POLQ: variants seen among roughly 807,000 people sequenced by gnomAD.
POLQ encodes DNA polymerase theta.
POLQ carries 233 observed loss-of-function variants against 259.2 expected under a neutral mutation model. The ratio of observed to expected loss-of-function variants is 0.90; its 90% CI spans 0.81 to 1.00. POLQ has a LOEUF of 1.00. Ranked by LOEUF, POLQ falls within the 50% of genes least tolerant of loss-of-function variation. The pLI is 0.00. For synonymous variants in POLQ, 1,025 were observed against 1,048.8 expected (o/e 0.98, Z 0.44); for missense variants, 2,871 against 3,051.6 (o/e 0.94, Z 1.39).
chr3:121,434,889 A>C (rs566292699), intron 28 of POLQ, among the ~76,000 whole-genome samples: 83 of 152,304 alleles, frequency 5.4e-4, no homozygotes, highest in Middle Eastern at 3.4e-3. Flanking sequence ...GTGATGGCTC[A>C]CGCTGGTAAT....
intron 6 of POLQ, among the ~76,000 whole-genome samples, chr3:121,532,725 G>C (rs1176474019): frequency 1.3e-5 from 2 of 151,734 alleles, no homozygotes; most frequent in Non-Finnish European, 2.9e-5. Flanking sequence ...GTAGCGACAG[G>C]GTTTCACATG....
intron 12 of POLQ, among the ~76,000 whole-genome samples, chr3:121,499,560 C>T (rs1297943823): frequency 6.6e-6 from 1 of 152,102 alleles, no homozygotes; most frequent in Non-Finnish European, 1.5e-5. Context: ...CGGCCAGAAC[C>T]TAAGTTTTTA....
chr3:121,481,678 A>G lies in POLQ; in HGVS notation c.6105T>C (p.Asn2035=), dbSNP rs759051762. The G allele has an allele frequency of 1.4e-5, 22 of 1,614,030 alleles. No individual in the cohort carries two copies. In the East Asian group the frequency reaches 4.5e-4, roughly 33 times the overall value. ...TSQGIQSLGL[N]AGSEHSGRYR... ...ATCGCCCAGAATGCTCACTGCCAGC[A>G]TTTAGCCCCAGGCTTTGAATCCCTT... The change falls in exon 19 of 30, where the codon AAT becomes AAC. Residue 2035 remains asparagine (N), a synonymous_variant. Transcript: ENST00000264233.
At chr3:121,539,688 C>A in intron 3 of POLQ, 99 bp from the exon 4 acceptor site, 1 of 835,778 alleles carries the variant, frequency 1.2e-6, no homozygotes, top group Non-Finnish European at 2.0e-6. Flanking sequence ...TATCTAAAGA[C>A]ATCTACCAGA....
At position 121,432,334 on chromosome 3, in the gene POLQ, G is replaced by A. The variant is rs200895587; in HGVS notation, c.7743C>T (p.Ser2581=). ...CATCAAAGTCCTTTAGCTCTCCCCA[G>A]CTGGCGCCTATTTTCACTTTCACTT... ...KLKVKVKIGA[S]WGELKDFDV Residue 2581 remains serine (S), a synonymous_variant, in exon 30 of 30, where the codon AGC becomes AGT. Coordinates refer to ENST00000264233, the MANE Select transcript of POLQ (RefSeq NM_199420.4). The A allele has an allele frequency of 9.2e-5, 147 of 1,606,008 alleles. No homozygotes were observed. In the East Asian group the frequency reaches 3.0e-3, roughly 32 times the overall value.
intron 25 of POLQ, among the ~76,000 whole-genome samples, chr3:121,456,518 G>C (rs542537134): frequency 3.3e-5 from 5 of 152,148 alleles, no homozygotes; most frequent in African/African-American, 1.2e-4. Flanking sequence ...TTAAGCTCAT[G>C]AGCAACTTCA....
intron 20 of POLQ, among the ~76,000 whole-genome samples, chr3:121,475,159 T>TTCC (rs1410917869): frequency 6.6e-6 from 1 of 152,108 alleles, no homozygotes; most frequent in African/African-American, 2.4e-5. Context: ...CAACTCCCCA[T>TTCC]TCCCCTATCT....
At chr3:121,506,250 T>TA (rs1264805422) in intron 12 of POLQ, among the ~76,000 whole-genome samples, 12 of 149,672 alleles carry the variant, frequency 8.0e-5, no homozygotes, top group Admixed American at 1.4e-4. Context: ...CCCTAATATA[T>TA]AAAAAAACCT....
intron 6 of POLQ, 94 bp from the exon 7 acceptor site, chr3:121,529,886 T>C (rs2048398789): frequency 4.4e-6 from 4 of 907,664 alleles, no homozygotes; most frequent in Non-Finnish European, 6.5e-6. Context: ...GGGGAAGCTT[T>C]TTCTTCTTTA....
chr3:121,504,453 T>C (rs1163002997), intron 12 of POLQ, among the ~76,000 whole-genome samples: 2 of 152,192 alleles, frequency 1.3e-5, no homozygotes, highest in Non-Finnish European at 2.9e-5. Flanking sequence ...TGGTGAAATC[T>C]ACTAAACATT....
intron 25 of POLQ, among the ~76,000 whole-genome samples, chr3:121,452,881 A>C (rs2108779727): frequency 1.3e-5 from 2 of 152,272 alleles, no homozygotes; most frequent in East Asian, 3.9e-4. Flanking sequence ...CTTTGAAGAG[A>C]GCAGTGGTTC....
intron 2 of POLQ, among the ~76,000 whole-genome samples, chr3:121,542,726 T>G (rs2108822929): frequency 6.6e-6 from 1 of 152,272 alleles, no homozygotes; most frequent in East Asian, 1.9e-4. Flanking sequence ...CTCAAAACTT[T>G]GGGAGAATCA....
At chr3:121,448,881 A>G (rs1399649423) in intron 26 of POLQ, among the ~76,000 whole-genome samples, 1 of 152,234 alleles carries the variant, frequency 6.6e-6, no homozygotes, top group East Asian at 1.9e-4. Flanking sequence ...TTATACCACA[A>G]CAAACAGGCA....
intron 12 of POLQ, among the ~76,000 whole-genome samples, chr3:121,498,891 A>C (rs2048145120): frequency 6.6e-6 from 1 of 151,916 alleles, no homozygotes; most frequent in Non-Finnish European, 1.5e-5. Flanking sequence ...ACCAGGTGAG[A>C]CTCTGTCTCT....
Position 121,498,643 on chromosome 3 carries a change from T to G in POLQ, c.1987A>C (p.Thr663Pro). 6.2e-7 allele frequency: 1 copy of G among 1,612,760 alleles called. No homozygotes were observed. Among genetic ancestry groups the G allele is most frequent in the Non-Finnish European group, 8.5e-7 (1 of 1,178,784 alleles). ...LVTPMFEDWT[T>P]IDWYRFFCLW... ...CAGAAAAATCGATACCAATCAATAGTAGTCCAATCCTCAAACATAGGTGTA... is the reference window on the plus strand; with the variant it reads ...CAGAAAAATCGATACCAATCAATAGGAGTCCAATCCTCAAACATAGGTGTA... Residue 663 changes from threonine (T) to proline (P), a missense_variant, in exon 13 of 30, where the codon ACT becomes CCT. Transcript: ENST00000264233.
At chr3:121,434,381 C>T (rs563156405) in intron 28 of POLQ, among the ~76,000 whole-genome samples, 1 of 152,220 alleles carries the variant, frequency 6.6e-6, no homozygotes, top group Non-Finnish European at 1.5e-5. Context: ...GGAATTAATA[C>T]AAATACTTCA....
At chr3:121,527,233 A>G (rs1309077585) in intron 7 of POLQ, among the ~76,000 whole-genome samples, 1 of 151,750 alleles carries the variant, frequency 6.6e-6, no homozygotes, top group South Asian at 2.1e-4. Flanking sequence ...GCTAATTTTT[A>G]TATTTTTTAG....
chr3:121,444,903 T>G (rs375629419), intron 26 of POLQ, among the ~76,000 whole-genome samples: 2 of 152,228 alleles, frequency 1.3e-5, no homozygotes, highest in South Asian at 4.1e-4. Flanking sequence ...ATCACATTGA[T>G]AGATTTGCAT....
At chr3:121,447,635 A>T (rs1252997067) in intron 26 of POLQ, among the ~76,000 whole-genome samples, 1 of 152,118 alleles carries the variant, frequency 6.6e-6, no homozygotes, top group Non-Finnish European at 1.5e-5. Context: ...ACTTAATATT[A>T]CCAGTGAGTT....
Sources: allele counts gnomAD v4.1 joint callset (sites outside exome capture counted in the v4.1 genomes callset), GRCh38; gene constraint gnomAD v4.1.1; transcripts MANE v1.5; gene names NCBI Gene and HGNC (gene_info 2026-07-23, HGNC 2026-07-21).